The following DYNC1I1 variants were observed in gnomAD, a reference collection of about 807,000 sequenced individuals.
The protein encoded by DYNC1I1 is cytoplasmic dynein 1 intermediate chain 1.
DYNC1I1 carries 43 observed loss-of-function variants against 86.6 expected under a neutral mutation model. The ratio of observed to expected loss-of-function variants is 0.50; its 90% CI spans 0.39 to 0.64. The LOEUF (loss-of-function observed/expected upper bound fraction) is 0.64. Ranked by LOEUF, DYNC1I1 falls within the 30% of genes least tolerant of loss-of-function variation. The pLI is 0.00. For missense variants in DYNC1I1, 604 were observed against 788.8 expected (o/e 0.77, Z 2.81); for synonymous variants, 262 against 283.7 (o/e 0.92, Z 0.77).
At chr7:96,107,108 C>T (rs762799988) in intron 16 of DYNC1I1, among the ~76,000 whole-genome samples, 3 of 151,782 alleles carry the variant, frequency 2.0e-5, no homozygotes, top group Non-Finnish European at 4.4e-5. Context: ...CTCACTGAAA[C>T]CTCTGCCTCC....
intron 6 of DYNC1I1, among the ~76,000 whole-genome samples, chr7:95,890,862 T>C (rs373763320): frequency 1.1e-3 from 174 of 152,280 alleles, no homozygotes; most frequent in African/African-American, 4.0e-3. Context: ...TTCCTGAACG[T>C]AGTTTATTAG....
intron 6 of DYNC1I1, among the ~76,000 whole-genome samples, chr7:95,887,490 C>T (rs577001103): frequency 1.3e-5 from 2 of 152,226 alleles, no homozygotes; most frequent in Non-Finnish European, 2.9e-5. Flanking sequence ...TCCCCGTCCT[C>T]TTTTTAGTTG....
chr7:95,855,128 C>T (rs922056629), intron 5 of DYNC1I1, among the ~76,000 whole-genome samples: 6 of 152,170 alleles, frequency 3.9e-5, no homozygotes, highest in African/African-American at 7.2e-5. Context: ...TTGTAAAACA[C>T]GTCTGATGGT....
chr7:96,060,885 A>T (rs184446506), intron 14 of DYNC1I1, among the ~76,000 whole-genome samples: 5 of 152,218 alleles, frequency 3.3e-5, no homozygotes, highest in Non-Finnish European at 1.5e-5. Flanking sequence ...TTTAAATACT[A>T]TAACAGCGTA....
chr7:95,832,887 G>A (rs1227507), intron 5 of DYNC1I1, among the ~76,000 whole-genome samples: 96,019 of 151,870 alleles, frequency 0.63, 31,126 homozygotes, highest in African/African-American at 0.77. Flanking sequence ...TCAGATGAGT[G>A]GGTCGTGAAA....
At chr7:95,851,922 A>C (rs1182820) in intron 5 of DYNC1I1, among the ~76,000 whole-genome samples, 103,009 of 152,032 alleles carry the variant, frequency 0.68, 37,955 homozygotes, top group Non-Finnish European at 0.84. Flanking sequence ...CCTTGGCCTC[A>C]CAAAGTGCTG....
intron 6 of DYNC1I1, among the ~76,000 whole-genome samples, chr7:95,960,622 A>G (rs147893284): frequency 6.6e-6 from 1 of 152,352 alleles, no homozygotes; most frequent in South Asian, 2.1e-4. Context: ...AGAGTGATAG[A>G]AACTTGAGGT....
intron 16 of DYNC1I1, among the ~76,000 whole-genome samples, chr7:96,090,908 C>T (rs1790820721): frequency 6.6e-6 from 1 of 152,146 alleles, no homozygotes; most frequent in Admixed American, 6.5e-5. Flanking sequence ...TCCGTGGTTT[C>T]ATCCATTGTT....
downstream of DYNC1I1, among the ~76,000 whole-genome samples, chr7:96,101,878 G>A (rs1791142098): frequency 6.6e-6 from 1 of 152,130 alleles, no homozygotes; most frequent in African/African-American, 2.4e-5. Flanking sequence ...AGAGCTAGGA[G>A]GATGGCAGAG....
At chr7:95,836,962 T>G (rs1230735634) in intron 5 of DYNC1I1, among the ~76,000 whole-genome samples, 1 of 152,188 alleles carries the variant, frequency 6.6e-6, no homozygotes, top group Non-Finnish European at 1.5e-5. Flanking sequence ...CCTTCTTCTC[T>G]CAGCTCGTCA....
At position 95,899,923 on chromosome 7, in the gene DYNC1I1, T is replaced by C. The variant is rs76600844; in HGVS notation, c.490+29925T>C. ...TTGCCTTCTTATTCCCCAAAGCCTC[T>C]GATTTTAGAGCAGCTTGCAGAAATA... On this transcript the variant is annotated intron_variant, in intron 6 of 16. Transcript: ENST00000447467. Among the ~76,000 whole-genome samples the C allele has an allele frequency of 7.9e-3, 1,209 of 152,334 alleles. 18 individuals carry two copies. The highest frequency in any genetic ancestry group is 0.028 in the African/African-American group (1,180 of 41,574).
chr7:95,837,350 A>G (rs1430691023), intron 5 of DYNC1I1, among the ~76,000 whole-genome samples: 23 of 143,160 alleles, frequency 1.6e-4, no homozygotes, highest in Admixed American at 3.5e-4. Context: ...TGCGTACTGG[A>G]AGAACCACTG....
At chr7:95,980,594 G>A (rs1487611518) in intron 7 of DYNC1I1, among the ~76,000 whole-genome samples, 1 of 148,594 alleles carries the variant, frequency 6.7e-6, no homozygotes. Flanking sequence ...GTGGTGAGGG[G>A]GACATGGGGA....
intron 13 of DYNC1I1, among the ~76,000 whole-genome samples, 158 bp downstream of exon 13, chr7:96,035,910 C>G (rs1266739675): frequency 6.6e-6 from 1 of 152,176 alleles, no homozygotes; most frequent in East Asian, 1.9e-4. Context: ...TGCATCTGCT[C>G]TGGTCATTAG....
chr7:95,793,314 A>G (rs533440989), intron 1 of DYNC1I1, among the ~76,000 whole-genome samples: 1 of 152,232 alleles, frequency 6.6e-6, no homozygotes, highest in South Asian at 2.1e-4. Context: ...GGGCTGACCA[A>G]GGAAAAGACA....
intron 5 of DYNC1I1, among the ~76,000 whole-genome samples, chr7:95,852,738 T>G (rs2116076652): frequency 6.6e-6 from 1 of 152,270 alleles, no homozygotes; most frequent in East Asian, 1.9e-4. Context: ...ACTCCTGACC[T>G]CAGGTGATCT....
At chr7:95,989,155 A>C (rs1312019704) in intron 9 of DYNC1I1, among the ~76,000 whole-genome samples, 1 of 152,186 alleles carries the variant, frequency 6.6e-6, no homozygotes, top group Admixed American at 6.5e-5. Context: ...GGATTTAGAC[A>C]AATGGAGGGG....
At chr7:95,834,729 T>C (rs1789026204) in intron 5 of DYNC1I1, among the ~76,000 whole-genome samples, 1 of 101,070 alleles carries the variant, frequency 9.9e-6, no homozygotes, top group Non-Finnish European at 1.9e-5. Flanking sequence ...AATTTATCCA[T>C]TTCTTCTAGA....
chr7:96,083,383 G>A (rs576779788), intron 16 of DYNC1I1, among the ~76,000 whole-genome samples: 2 of 151,130 alleles, frequency 1.3e-5, no homozygotes, highest in East Asian at 1.9e-4. Context: ...TGAAGACCTC[G>A]TCTGTAGAGG....
Sources: gnomAD v4.1 joint callset for allele counts (sites outside exome capture counted in the v4.1 genomes callset) on GRCh38, gnomAD v4.1.1 for gene constraint, MANE v1.5 for transcripts, NCBI Gene and HGNC (gene_info 2026-07-23, HGNC 2026-07-21) for gene names.